Variants in MEST observed in about 807,000 individuals in gnomAD.
MEST encodes mesoderm-specific transcript homolog protein.
MEST carries 18 observed loss-of-function variants against 50.9 expected under a neutral mutation model. That is an observed-to-expected ratio of 0.35 (90% CI 0.24 to 0.52). The LOEUF (loss-of-function observed/expected upper bound fraction) is 0.52, where lower values mean the gene tolerates loss of function less well. MEST is among the 20% of genes least tolerant of loss of function. The pLI, the probability that MEST is intolerant of heterozygous loss-of-function variation, is 0.94. For synonymous variants in MEST, 130 were observed against 154.1 expected (o/e 0.84, Z 1.16); for missense variants, 282 against 425.3 (o/e 0.66, Z 2.96).
At chr7:130,498,865 TGA>T (rs1799170748) in intron 6 of MEST, 1 of 254,958 alleles carries the variant, frequency 3.9e-6, no homozygotes, top group African/African-American at 2.3e-5. Flanking sequence ...CAATAGGTTA[TGA>T]GAGTGTAGGA....
In MEST at chr7:130,492,584, G is replaced by T; in HGVS notation, c.26+245G>T. The T allele has an allele frequency of 2.7e-6, 1 of 375,076 alleles. No individual in the cohort carries two copies. Among genetic ancestry groups the T allele is most frequent in the Non-Finnish European group, 4.7e-6 (1 of 211,540 alleles). 23.2% of individuals were successfully genotyped at this position (375,076 alleles called of 1,614,324 possible). ...GATTTCTAGACCCCGGGATCGTCGTGGTGAGATTTAGGATTTCTGGACCCC... is the reference window on the plus strand; with the variant it reads ...GATTTCTAGACCCCGGGATCGTCGTTGTGAGATTTAGGATTTCTGGACCCC... On this transcript the variant is annotated intron_variant, in intron 1 of 11. Transcript: ENST00000223215. The surrounding 1 kb of genome is among the most constrained non-coding windows in gnomAD (Gnocchi z 7.6).
intron 5 of MEST, 59 bp from the exon 6 acceptor site, chr7:130,498,360 A>T: frequency 6.2e-7 from 1 of 1,611,512 alleles, no homozygotes; most frequent in Non-Finnish European, 8.5e-7. Flanking sequence ...TCTCGTTTTC[A>T]GCGGTGCACT....
chr7:130,495,171 A>G (rs1798995128), intron 1 of MEST, among the ~76,000 whole-genome samples, 197 bp from the exon 2 acceptor site: 1 of 152,184 alleles, frequency 6.6e-6, no homozygotes, highest in Non-Finnish European at 1.5e-5. Context: ...TAAGATTAGA[A>G]TGATGAACAA....
At position 130,500,788 on chromosome 7, in the gene MEST, G is replaced by T; in HGVS notation, c.648-1G>T. On this transcript the variant is annotated splice_acceptor_variant, in intron 8 of 11. Coordinates refer to ENST00000223215, the MANE Select transcript of MEST (RefSeq NM_002402.4). LOFTEE classifies it high-confidence loss of function. This position sits in a 1 kb window ranked among gnomAD's most constrained non-coding sequence, Gnocchi z 5.0. Reference sequence around the variant, plus strand: ...TCTTCCTGCGTTTTGGACTCTTTCAGTCTCACCCCAGTCTTTGGGCCGTAT... The same window carrying T: ...TCTTCCTGCGTTTTGGACTCTTTCATTCTCACCCCAGTCTTTGGGCCGTAT... 6.2e-7 allele frequency: 1 copy of T among 1,608,486 alleles called. No homozygotes were observed. Among genetic ancestry groups the T allele is most frequent in the Non-Finnish European group, 8.5e-7 (1 of 1,178,172 alleles).
chr7:130,486,827 G>C (rs1422038056), intron 1 of MEST: 1 of 152,374 alleles, frequency 6.6e-6, no homozygotes, highest in Non-Finnish European at 1.5e-5. Flanking sequence ...GCCAGCCTTG[G>C]AGGTTGGAAA....
At chr7:130,498,110 C>T in intron 4 of MEST, 29 bp from the exon 5 acceptor site, 17 of 1,614,104 alleles carry the variant, frequency 1.1e-5, no homozygotes, top group Non-Finnish European at 1.4e-5. Flanking sequence ...ATGACTTCAT[C>T]CTGTGTATGT....
chr7:130,494,926 G>C, intron 1 of MEST: 1 of 692,946 alleles, frequency 1.4e-6, no homozygotes, highest in African/African-American at 1.9e-5. Flanking sequence ...TACTGGTTGG[G>C]GGTAGTGGGT....
intron 10 of MEST, 124 bp downstream of exon 10, chr7:130,502,844 T>G: frequency 1.5e-6 from 1 of 673,774 alleles, no homozygotes; most frequent in Admixed American, 2.7e-5. Context: ...CAGTTAAATT[T>G]GAATTTTAGA....
chr7:130,486,222 G>C (rs1055727391), exon 1 of MEST: 4 of 152,358 alleles, frequency 2.6e-5, no homozygotes, highest in Non-Finnish European at 4.4e-5. Flanking sequence ...GCTGGGCTCG[G>C]GGGCGATGGG....
chr7:130,500,768 C>T lies in MEST; in HGVS notation c.648-21C>T, dbSNP rs781879010. 1.3e-6 allele frequency: 2 copies of T among 1,590,560 alleles called. No individual in the cohort carries two copies. The highest frequency in any genetic ancestry group is 4.5e-5 in the East Asian group (2 of 44,706). On this transcript the variant is annotated intron_variant, in intron 8 of 11. Transcript: ENST00000223215. This position sits in a 1 kb window ranked among gnomAD's most constrained non-coding sequence, Gnocchi z 5.0. ...CTGAGTTCTCCTCACACTTATCTTC[C>T]TGCGTTTTGGACTCTTTCAGTCTCA... is the stretch of plus-strand genomic sequence containing the variant.
chr7:130,504,840 T>G, intron 11 of MEST, 99 bp from the exon 12 acceptor site: 8 of 801,890 alleles, frequency 1.0e-5, no homozygotes, highest in Non-Finnish European at 1.5e-5. Flanking sequence ...CTCCTTCCAG[T>G]GTGGTGTGTC....
upstream of MEST, chr7:130,488,044 A>AG (rs1798676980): frequency 1.3e-5 from 2 of 152,210 alleles, no homozygotes; most frequent in African/African-American, 4.8e-5. Flanking sequence ...TGTTGTACCA[A>AG]GGGTTCTGGG....
chr7:130,493,172 G>A (rs1202892781), intron 1 of MEST: 7 of 152,160 alleles, frequency 4.6e-5, no homozygotes, highest in Non-Finnish European at 7.4e-5. Flanking sequence ...GAGTGAGAAC[G>A]GCGATGTGAC....
rs184327720 is a variant in MEST, at chr7:130,501,441, T to A, written c.749+551T>A. 8.5e-5 allele frequency among the ~76,000 whole-genome samples: 13 copies of A among 152,360 alleles called. 1 individual carries two copies. Among genetic ancestry groups the A allele is most frequent in the Admixed American group, 4.6e-4 (7 of 15,304 alleles). Reference sequence around the variant, plus strand: ...AGCCCCAACAGGATCCCTGAATATTTCATTTTAGTATTAAAAAACTGAAGA... The same window carrying A: ...AGCCCCAACAGGATCCCTGAATATTACATTTTAGTATTAAAAAACTGAAGA... On this transcript the variant is annotated intron_variant, in intron 9 of 11. Coordinates refer to ENST00000223215, the MANE Select transcript of MEST (RefSeq NM_002402.4).
upstream of MEST, chr7:130,488,151 A>C (rs1463278760): frequency 6.6e-6 from 1 of 152,184 alleles, no homozygotes; most frequent in Non-Finnish European, 1.5e-5. Flanking sequence ...GCCTTATTTT[A>C]CATCAGATGG....
At chr7:130,502,333 G>C (rs1799306885) in intron 9 of MEST, among the ~76,000 whole-genome samples, 1 of 152,204 alleles carries the variant, frequency 6.6e-6, no homozygotes, top group Admixed American at 6.5e-5. Context: ...TGGAACCTCA[G>C]ACCTGGGCTT....
intron 2 of MEST, chr7:130,496,272 T>A (rs1396901585): frequency 4.7e-6 from 2 of 422,706 alleles, no homozygotes; most frequent in Non-Finnish European, 4.6e-6. Flanking sequence ...TTTAGAAAAC[T>A]AATGTTGAAG....
In MEST at chr7:130,495,432, A is replaced by G; in HGVS notation, c.91A>G (p.Ile31Val). The G allele has an allele frequency of 1.2e-6, 2 of 1,613,978 alleles. No individual in the cohort carries two copies. Among genetic ancestry groups the G allele is most frequent in the Non-Finnish European group, 1.7e-6 (2 of 1,179,950 alleles). ...GCCCCTGCTTGCTGCGTACCTGCAC[A>G]TCCCACCCCCTCAGCTCTCCCCTGC... ...AVPLLAAYLH[I>V]PPPQLSPALH... The change falls in exon 2 of 12, where the codon ATC (isoleucine) becomes GTC (valine). Residue 31 changes from isoleucine to valine, a missense_variant. Transcript: ENST00000223215.
Position 130,492,200 on chromosome 7 carries a change from C to CGGGCTGT in MEST, c.-107_-101dup. On this transcript the variant is annotated 5_prime_UTR_variant, in exon 1 of 12. Transcript: ENST00000223215. The surrounding 1 kb of genome is among the most constrained non-coding windows in gnomAD (Gnocchi z 7.6). ...CTGCCCGGCGCGGCGCCGCCCTGCG[C>CGGGCTGT]GGGCTGTGGGCTGCGGGCTGCGCCC... 6 of 910,250 alleles carry CGGGCTGT rather than the reference C, an allele frequency of 6.6e-6. No individual in the cohort carries two copies. The highest frequency in any genetic ancestry group is 3.9e-5 in the East Asian group (1 of 25,552). 56.4% of individuals were successfully genotyped at this position (910,250 alleles called of 1,614,324 possible). A position where few individuals can be genotyped will look rare whatever the true frequency, so the allele number is the denominator to read the frequency against.
Sources: allele counts gnomAD v4.1 joint callset (sites outside exome capture counted in the v4.1 genomes callset), GRCh38; gene constraint gnomAD v4.1.1; non-coding constraint Gnocchi (gnomAD v3.1); transcripts MANE v1.5; gene names NCBI Gene and HGNC (gene_info 2026-07-23, HGNC 2026-07-21).